C3orf49: variants seen among roughly 807,000 people sequenced by gnomAD.
C3orf49 encodes the protein chromosome 3 open reading frame 49, also known as putative uncharacterized protein C3orf49.
In C3orf49, 27 loss-of-function variants were observed where a neutral mutation model predicts 13.3. The observed-to-expected ratio is 2.02, with a 90% CI of 1.49 to 2.79. The LOEUF is 2.79. Ranked by LOEUF, C3orf49 falls within the 30% of genes most tolerant of loss-of-function variation. C3orf49 has a pLI of 0.00. For missense variants in C3orf49, 242 were observed against 134.2 expected (o/e 1.80, Z -3.97); for synonymous variants, 87 against 47.6 (o/e 1.83, Z -3.40).
chr3:63,839,648 T>G (rs774779546), intron 5 of C3orf49: 1 of 1,609,100 alleles, frequency 6.2e-7, no homozygotes, highest in Non-Finnish European at 8.5e-7. Flanking sequence ...ACAGTGAAAA[T>G]GAAATACCCC....
At chr3:63,807,857 CAAAAAAA>C in the C3orf49 span, among the ~76,000 whole-genome samples, 1 of 32,246 alleles carries the variant, frequency 3.1e-5, no homozygotes, top group Non-Finnish European at 7.3e-5. Context: ...AACTTCATCT[CAAAAAAA>C]AAAAAAAAAA....
At chr3:63,832,009 C>T in intron 5 of C3orf49, 165 bp downstream of exon 5, 1 of 552,304 alleles carries the variant, frequency 1.8e-6, no homozygotes, top group Non-Finnish European at 3.2e-6. Flanking sequence ...GCCTGGCCAA[C>T]ATGGTGAAAC....
intron 5 of C3orf49, chr3:63,835,272 A>G (rs2107115652): frequency 6.2e-7 from 1 of 1,612,540 alleles, no homozygotes; most frequent in Non-Finnish European, 8.5e-7. Context: ...ATATATAGAT[A>G]TATAGACAGA....
chr3:63,821,848 T>C (rs950004554), intron 1 of C3orf49, among the ~76,000 whole-genome samples: 3 of 152,162 alleles, frequency 2.0e-5, no homozygotes, highest in Non-Finnish European at 2.9e-5. Flanking sequence ...ATCCTGGTGT[T>C]ACTGGAAATG....
intron 2 of C3orf49, among the ~76,000 whole-genome samples, chr3:63,825,008 C>T (rs1701448556): frequency 6.6e-6 from 1 of 152,000 alleles, no homozygotes; most frequent in South Asian, 2.1e-4. Flanking sequence ...AATCGATGAA[C>T]CAATATTGAT....
intron 1 of C3orf49, among the ~76,000 whole-genome samples, chr3:63,822,948 G>C (rs1055855372): frequency 2.0e-5 from 3 of 152,100 alleles, no homozygotes; most frequent in South Asian, 2.1e-4. Context: ...TTCAGCCCTT[G>C]GTCAATTAAT....
intron 6 of C3orf49, among the ~76,000 whole-genome samples, chr3:63,847,712 G>T (rs1575810474): frequency 2.9e-5 from 1 of 34,534 alleles, no homozygotes; most frequent in East Asian, 6.5e-4. Context: ...ACTCCAGTCT[G>T]GGCAACAGAG....
chr3:63,844,343 A>C (rs1701839916), intron 5 of C3orf49, among the ~76,000 whole-genome samples: 1 of 152,222 alleles, frequency 6.6e-6, no homozygotes, highest in African/African-American at 2.4e-5. Flanking sequence ...AAAATGTAAA[A>C]AGAGTGAATG....
chr3:63,782,158 TC>T, the C3orf49 span, among the ~76,000 whole-genome samples: 1 of 152,170 alleles, frequency 6.6e-6, no homozygotes, highest in Non-Finnish European at 1.5e-5. Flanking sequence ...AGAGAGATAA[TC>T]CAACATAAGT....
upstream of C3orf49, among the ~76,000 whole-genome samples, chr3:63,818,087 C>G (rs939265517): frequency 2.0e-5 from 3 of 152,152 alleles, no homozygotes; most frequent in African/African-American, 7.2e-5. Context: ...TGCTCTACTT[C>G]AGCGTTTCTC....
chr3:63,831,613 C>T, intron 4 of C3orf49, 67 bp from the exon 5 acceptor site: 1 of 677,022 alleles, frequency 1.5e-6, no homozygotes, highest in Non-Finnish European at 2.6e-6. Context: ...GGAAAAGCAA[C>T]TATCCCTTTG....
the C3orf49 span, among the ~76,000 whole-genome samples, chr3:63,788,606 G>A: frequency 6.6e-6 from 1 of 151,992 alleles, no homozygotes; most frequent in African/African-American, 2.4e-5. Flanking sequence ...AACATTGGAA[G>A]GGCCAACAGA....
the C3orf49 span, among the ~76,000 whole-genome samples, chr3:63,801,262 AT>A: frequency 9.9e-5 from 15 of 151,532 alleles, no homozygotes; most frequent in South Asian, 2.1e-4. Context: ...TGAGCCTCAA[AT>A]TTTTTTTTAT....
chr3:63,820,645 A>G (rs910489080), intron 1 of C3orf49, among the ~76,000 whole-genome samples: 1 of 152,188 alleles, frequency 6.6e-6, no homozygotes, highest in Non-Finnish European at 1.5e-5. Context: ...ATGTGTGTAC[A>G]TGTTTATAGT....
chr3:63,837,085 T>C lies in C3orf49; in HGVS notation c.849+5241T>C, dbSNP rs560759203. On this transcript the variant is annotated intron_variant, in intron 5 of 6. Coordinates refer to ENST00000295896, the MANE Select transcript of C3orf49 (RefSeq NM_001355236.2). Reference sequence around the variant, plus strand: ...TGTAAAAAGAGGAAATTAAGCTTCATCTTAATTAGTTCATTAAAAAGTGAA... The same window carrying C: ...TGTAAAAAGAGGAAATTAAGCTTCACCTTAATTAGTTCATTAAAAAGTGAA... 1.6e-3 allele frequency among the ~76,000 whole-genome samples: 249 copies of C among 152,110 alleles called. 4 individuals are homozygous for C. Among genetic ancestry groups the C allele is most frequent in the African/African-American group, 5.8e-3 (241 of 41,570 alleles).
chr3:63,837,931 G>C (rs1701668280), intron 5 of C3orf49: 1 of 1,529,142 alleles, frequency 6.5e-7, no homozygotes, highest in Non-Finnish European at 8.9e-7. Flanking sequence ...GAAAACTGTA[G>C]TCAGTAATAA....
At chr3:63,816,131 TTTTG>T (rs1393397883), upstream of C3orf49, among the ~76,000 whole-genome samples, 1 of 151,308 alleles carries the variant, frequency 6.6e-6, no homozygotes, top group Non-Finnish European at 1.5e-5. Context: ...TCTTTGTTGA[TTTTG>T]TTTTTTTTTT....
At chr3:63,834,310 G>T (rs904105062) in intron 5 of C3orf49, 11 of 995,980 alleles carry the variant, frequency 1.1e-5, no homozygotes, top group Non-Finnish European at 1.6e-5. Flanking sequence ...TTAAAGCTAA[G>T]ATGGCTACTA....
chr3:63,804,491 C>T, the C3orf49 span, among the ~76,000 whole-genome samples: 20 of 152,210 alleles, frequency 1.3e-4, no homozygotes, highest in South Asian at 6.2e-4. Flanking sequence ...ACAGGGACTT[C>T]GCACATGCTG....
Sources: allele counts gnomAD v4.1 joint callset (sites outside exome capture counted in the v4.1 genomes callset), GRCh38; gene constraint gnomAD v4.1.1; transcripts MANE v1.5; gene names NCBI Gene and HGNC (gene_info 2026-07-23, HGNC 2026-07-21).